The following ATP6V1C2 variants were observed in gnomAD, a reference collection of about 807,000 sequenced individuals.
The protein encoded by ATP6V1C2 is ATPase H+ transporting V1 subunit C2.
A neutral mutation model predicts 56.8 loss-of-function variants in ATP6V1C2; 45 were observed. The ratio of observed to expected loss-of-function variants is 0.79; its 90% CI spans 0.62 to 1.02. The LOEUF is 1.02. Among genes scored for constraint, ATP6V1C2 ranks in the 50% least tolerant of loss-of-function variants. The pLI, the probability that ATP6V1C2 is intolerant of heterozygous loss-of-function variation, is 0.00. For synonymous variants in ATP6V1C2, 220 were observed against 201.3 expected (o/e 1.09, Z -0.79); for missense variants, 463 against 519.7 (o/e 0.89, Z 1.06).
At chr2:10,778,385 G>A (rs1482191223) in intron 11 of ATP6V1C2, 187 bp from the exon 12 acceptor site, 18 of 597,050 alleles carry the variant, frequency 3.0e-5, no homozygotes, top group East Asian at 1.4e-4. Context: ...GAGCTTCCCC[G>A]GCACCAGGTG....
intron 3 of ATP6V1C2, among the ~76,000 whole-genome samples, chr2:10,752,575 C>T (rs1321529919): frequency 6.6e-6 from 1 of 152,220 alleles, no homozygotes; most frequent in Non-Finnish European, 1.5e-5. Context: ...AATGGCTTAG[C>T]CTTCTGGAGC....
chr2:10,734,342 C>T (rs1329387686), intron 3 of ATP6V1C2, among the ~76,000 whole-genome samples: 1 of 152,194 alleles, frequency 6.6e-6, no homozygotes, highest in African/African-American at 2.4e-5. Flanking sequence ...TTTACCCTCT[C>T]TAACACACCC....
intron 8 of ATP6V1C2, among the ~76,000 whole-genome samples, chr2:10,774,164 A>G (rs966931923): frequency 3.9e-5 from 6 of 152,238 alleles, no homozygotes; most frequent in East Asian, 3.9e-4. Flanking sequence ...GGCAGCCCCT[A>G]TGGGCATGGG....
Position 10,784,869 on chromosome 2 carries a change from G to A in ATP6V1C2, c.*1606G>A. The A allele has an allele frequency of 2.5e-6, 3 of 1,191,190 alleles. No homozygotes were observed. Among genetic ancestry groups the A allele is most frequent in the Non-Finnish European group, 3.7e-6 (3 of 818,790 alleles). 73.8% of individuals were successfully genotyped at this position (1,191,190 alleles called of 1,614,324 possible). ...GGAAGGACTTGACTCCAGGTGCAGA[G>A]ATGCACAGGCTCAAGAGAGTAAACC... On this transcript the variant is annotated 3_prime_UTR_variant, in exon 14 of 14. Coordinates refer to ENST00000272238, the MANE Select transcript of ATP6V1C2 (RefSeq NM_001039362.2).
At chr2:10,727,253 A>G (rs1661697364) in intron 3 of ATP6V1C2, among the ~76,000 whole-genome samples, 1 of 151,926 alleles carries the variant, frequency 6.6e-6, no homozygotes, top group Non-Finnish European at 1.5e-5. Flanking sequence ...TATTTTTAGC[A>G]GAGACAGGGT....
At position 10,771,927 on chromosome 2, in the gene ATP6V1C2, A is replaced by T; in HGVS notation, c.559A>T (p.Ile187Phe). Reference protein sequence around the residue: ...DSEYLVTLLVIVPKPNYSQWQ... With the variant: ...DSEYLVTLLVFVPKPNYSQWQ... ...TGAATATCTCGTCACACTTCTGGTCATCGTCCCCAAGTGAGTGCTGGGCGA... is the reference window on the plus strand; with the variant it reads ...TGAATATCTCGTCACACTTCTGGTCTTCGTCCCCAAGTGAGTGCTGGGCGA... Residue 187 changes from isoleucine to phenylalanine, a missense_variant, in exon 7 of 14, where the codon ATC (isoleucine) becomes TTC (phenylalanine). Coordinates refer to ENST00000272238, the MANE Select transcript of ATP6V1C2 (RefSeq NM_001039362.2). The T allele has an allele frequency of 6.2e-7, 1 of 1,613,956 alleles. No individual in the cohort carries two copies. Among genetic ancestry groups the T allele is most frequent in the Non-Finnish European group, 8.5e-7 (1 of 1,179,876 alleles).
chr2:10,739,206 C>A (rs1406505010), intron 3 of ATP6V1C2, among the ~76,000 whole-genome samples: 1 of 152,092 alleles, frequency 6.6e-6, no homozygotes, highest in Non-Finnish European at 1.5e-5. Context: ...TCGCTTGAAC[C>A]CGGGAGACGG....
intron 3 of ATP6V1C2, among the ~76,000 whole-genome samples, chr2:10,750,660 T>C (rs371013559): frequency 2.0e-5 from 3 of 152,366 alleles, no homozygotes; most frequent in African/African-American, 7.2e-5. Context: ...CCAGAATTCA[T>C]TGATTCATTC....
chr2:10,739,000 C>T (rs543534402), intron 3 of ATP6V1C2, among the ~76,000 whole-genome samples: 2 of 152,320 alleles, frequency 1.3e-5, no homozygotes, highest in African/African-American at 4.8e-5. Flanking sequence ...TCCCGTTTCC[C>T]TTTCATTCAT....
intron 10 of ATP6V1C2, among the ~76,000 whole-genome samples, chr2:10,776,898 C>T (rs969700437): frequency 6.6e-6 from 1 of 152,212 alleles, no homozygotes. Context: ...TCTCTGTGGG[C>T]GGGAGGTGGA....
rs148072709 is a variant in ATP6V1C2 at position 10,783,188 on chromosome 2, C to T, written c.1209C>T (p.Ile403=). 9 of 1,613,018 alleles carry T rather than the reference C, an allele frequency of 5.6e-6. No homozygotes were observed. The highest frequency in any genetic ancestry group is 7.6e-6 in the Non-Finnish European group (9 of 1,179,142). ...TTCTTTTGTAGGCATCTGTGGAGAT[C>T]CCGGGACTGCAACTCAATAACCAAG... The part of the protein sequence containing the change: ...ATSILDASVE[I]PGLQLNNQDY... Residue 403 remains isoleucine (I), a synonymous_variant, in exon 14 of 14, where the codon ATC becomes ATT. Coordinates refer to ENST00000272238, the MANE Select transcript of ATP6V1C2 (RefSeq NM_001039362.2).
chr2:10,750,541 CA>C (rs1390558276), intron 3 of ATP6V1C2, among the ~76,000 whole-genome samples: 1 of 139,632 alleles, frequency 7.2e-6, no homozygotes, highest in Non-Finnish European at 1.5e-5. Context: ...AAAAAAAAAA[CA>C]AAACAAAACC....
At chr2:10,761,859 T>A (rs576034657) in intron 4 of ATP6V1C2, among the ~76,000 whole-genome samples, 57 of 152,322 alleles carry the variant, frequency 3.7e-4, no homozygotes, top group African/African-American at 1.2e-3. Context: ...AACACCAGCA[T>A]CCTAAGTCTG....
intron 3 of ATP6V1C2, among the ~76,000 whole-genome samples, chr2:10,739,084 C>A (rs1169358179): frequency 1.3e-5 from 2 of 152,098 alleles, no homozygotes; most frequent in Non-Finnish European, 2.9e-5. Flanking sequence ...AAGTTGGAGA[C>A]CAGCCTGACC....
intron 2 of ATP6V1C2, among the ~76,000 whole-genome samples, chr2:10,724,252 C>T (rs553748480): frequency 6.6e-6 from 1 of 152,232 alleles, no homozygotes; most frequent in African/African-American, 2.4e-5. Flanking sequence ...TCACTTTGCC[C>T]CTCCGCCCAA....
At chr2:10,772,279 C>T (rs999745123) in intron 7 of ATP6V1C2, among the ~76,000 whole-genome samples, 12 of 152,300 alleles carry the variant, frequency 7.9e-5, no homozygotes, top group African/African-American at 2.2e-4. Context: ...CAAGGTCACA[C>T]GGGGCCCGGA....
At chr2:10,770,862 T>C (rs1051480355) in intron 6 of ATP6V1C2, among the ~76,000 whole-genome samples, 1 of 152,218 alleles carries the variant, frequency 6.6e-6, no homozygotes, top group African/African-American at 2.4e-5. Flanking sequence ...ACCCTAAAGA[T>C]ATAAAGCAGA....
At chr2:10,758,429 C>A (rs1373983175) in intron 4 of ATP6V1C2, among the ~76,000 whole-genome samples, 14 of 152,102 alleles carry the variant, frequency 9.2e-5, no homozygotes, top group African/African-American at 3.4e-4. Flanking sequence ...CGGGTCTCAA[C>A]TTCCCAAGAC....
intron 4 of ATP6V1C2, among the ~76,000 whole-genome samples, chr2:10,757,960 T>G (rs1009194527): frequency 1.3e-5 from 2 of 152,186 alleles, no homozygotes; most frequent in African/African-American, 4.8e-5. Flanking sequence ...TGCTTTGGAT[T>G]TTCCCCAACC....
Sources: allele counts gnomAD v4.1 joint callset (sites outside exome capture counted in the v4.1 genomes callset), GRCh38; gene constraint gnomAD v4.1.1; transcripts MANE v1.5; gene names NCBI Gene and HGNC (gene_info 2026-07-23, HGNC 2026-07-21).